Variants in ETV6 observed in about 807,000 individuals in gnomAD.
ETV6 encodes ETS variant transcription factor 6, also known as transcription factor ETV6.
In ETV6, 16 loss-of-function variants were observed where a neutral mutation model predicts 51.1. The observed-to-expected ratio is 0.31, with a 90% CI of 0.21 to 0.48. The LOEUF is 0.48. Among genes scored for constraint, ETV6 ranks in the 20% least tolerant of loss-of-function variants. The pLI is 0.99. For missense variants in ETV6, 458 were observed against 594.8 expected (o/e 0.77, Z 2.39); for synonymous variants, 240 against 224.1 (o/e 1.07, Z -0.64).
chr12:11,720,148 A>G (rs1865355458), intron 1 of ETV6, among the ~76,000 whole-genome samples: 1 of 152,110 alleles, frequency 6.6e-6, no homozygotes, highest in Non-Finnish European at 1.5e-5. Context: ...ATATCTGAAG[A>G]TAGGAAAAGG....
At chr12:11,652,933 A>G (rs968071985) in intron 1 of ETV6, among the ~76,000 whole-genome samples, 1 of 152,134 alleles carries the variant, frequency 6.6e-6, no homozygotes, top group African/African-American at 2.4e-5. Flanking sequence ...TATCAGACAC[A>G]CACTTTTTAC....
intron 5 of ETV6, among the ~76,000 whole-genome samples, chr12:11,881,209 A>AT (rs1318131816): frequency 6.6e-6 from 1 of 152,170 alleles, no homozygotes; most frequent in African/African-American, 2.4e-5. Context: ...CAAAACAAAC[A>AT]TTGGGATTAT....
intron 1 of ETV6, among the ~76,000 whole-genome samples, chr12:11,725,435 A>C (rs1865470298): frequency 6.6e-6 from 1 of 152,170 alleles, no homozygotes; most frequent in South Asian, 2.1e-4. Context: ...TGTTTCAACA[A>C]AGTTAAGTGC....
chr12:11,838,020 T>C (rs1393616319), intron 2 of ETV6, among the ~76,000 whole-genome samples: 2 of 152,240 alleles, frequency 1.3e-5, no homozygotes, highest in Non-Finnish European at 2.9e-5. Flanking sequence ...TTTTAAAATA[T>C]ATTTTCCCAA....
chr12:11,753,654 T>A (rs1301452582), intron 2 of ETV6, among the ~76,000 whole-genome samples: 2 of 152,210 alleles, frequency 1.3e-5, no homozygotes, highest in African/African-American at 2.4e-5. Context: ...AGACAGAGGA[T>A]GCAGGTTCTT....
At chr12:11,782,879 A>G (rs1312074311) in intron 2 of ETV6, among the ~76,000 whole-genome samples, 2 of 152,246 alleles carry the variant, frequency 1.3e-5, no homozygotes, top group African/African-American at 4.8e-5. Context: ...TTATAAGTAT[A>G]CATCTATTGA....
intron 3 of ETV6, among the ~76,000 whole-genome samples, chr12:11,851,014 A>G (rs548922179): frequency 1.9e-4 from 29 of 152,022 alleles, no homozygotes; most frequent in Non-Finnish European, 3.4e-4. Context: ...GGTCGGTGTT[A>G]TTATTTGCAT....
At chr12:11,867,898 T>G (rs965067554) in intron 4 of ETV6, among the ~76,000 whole-genome samples, 7 of 152,290 alleles carry the variant, frequency 4.6e-5, no homozygotes, top group Admixed American at 2.0e-4. Context: ...CAGATTTCTG[T>G]CCTTCTGCAC....
chr12:11,833,365 G>A (rs1381645453), intron 2 of ETV6, among the ~76,000 whole-genome samples: 1 of 152,216 alleles, frequency 6.6e-6, no homozygotes, highest in Non-Finnish European at 1.5e-5. Flanking sequence ...GTTGACACCA[G>A]CAAGACACAG....
At chr12:11,733,043 T>G (rs547899714) in intron 1 of ETV6, among the ~76,000 whole-genome samples, 3 of 152,218 alleles carry the variant, frequency 2.0e-5, no homozygotes, top group Admixed American at 2.0e-4. Context: ...AGACTCTGTT[T>G]CTCCATTGAT....
At chr12:11,878,592 GTTC>G (rs1165526528) in intron 5 of ETV6, among the ~76,000 whole-genome samples, 6 of 151,998 alleles carry the variant, frequency 3.9e-5, no homozygotes, top group African/African-American at 1.5e-4. Context: ...TGCAGCTGTG[GTTC>G]TTCTGCCCCA....
At chr12:11,763,927 C>T (rs968732179) in intron 2 of ETV6, among the ~76,000 whole-genome samples, 17 of 152,126 alleles carry the variant, frequency 1.1e-4, no homozygotes, top group African/African-American at 3.4e-4. Flanking sequence ...TGACTGTGAA[C>T]GGGGTGAATG....
intron 2 of ETV6, among the ~76,000 whole-genome samples, chr12:11,764,181 G>C (rs1190585055): frequency 6.6e-6 from 1 of 152,162 alleles, no homozygotes; most frequent in Non-Finnish European, 1.5e-5. Flanking sequence ...TAGCTTATCA[G>C]ATCTCCTGAA....
At chr12:11,874,919 A>G (rs963720922) in intron 5 of ETV6, among the ~76,000 whole-genome samples, 17 of 132,924 alleles carry the variant, frequency 1.3e-4, no homozygotes, top group African/African-American at 4.2e-4. Context: ...GGGGGGAGGG[A>G]TAGCATTAGG....
intron 2 of ETV6, among the ~76,000 whole-genome samples, chr12:11,759,539 A>G (rs898022717): frequency 4.6e-5 from 7 of 152,252 alleles, no homozygotes; most frequent in Non-Finnish European, 1.0e-4. Context: ...GATGAGAACC[A>G]GTCCATTTTA....
intron 5 of ETV6, among the ~76,000 whole-genome samples, chr12:11,879,555 T>C (rs1056999035): frequency 3.9e-5 from 6 of 152,238 alleles, no homozygotes; most frequent in African/African-American, 1.2e-4. Context: ...ACAATGCCTT[T>C]AGCTGCGGAT....
chr12:11,654,004 G>A (rs1405328537), intron 1 of ETV6, among the ~76,000 whole-genome samples: 1 of 151,966 alleles, frequency 6.6e-6, no homozygotes, highest in African/African-American at 2.4e-5. Context: ...GTAGAGATGG[G>A]GGTTTCACCA....
At chr12:11,654,713 A>G (rs1002854030) in intron 1 of ETV6, among the ~76,000 whole-genome samples, 1 of 152,104 alleles carries the variant, frequency 6.6e-6, no homozygotes, top group Non-Finnish European at 1.5e-5. Flanking sequence ...ATTTGCATCA[A>G]TATATGTATA....
At chr12:11,884,060 C>G (rs1462721077) in intron 5 of ETV6, among the ~76,000 whole-genome samples, 1 of 152,218 alleles carries the variant, frequency 6.6e-6, no homozygotes, top group East Asian at 1.9e-4. Context: ...CTCTTTCCAC[C>G]CTTTTTTCCT....
Sources: gnomAD v4.1 joint callset for allele counts (sites outside exome capture counted in the v4.1 genomes callset) on GRCh38, gnomAD v4.1.1 for gene constraint, MANE v1.5 for transcripts, NCBI Gene and HGNC (gene_info 2026-07-23, HGNC 2026-07-21) for gene names.